PRKAR1B: variants seen among roughly 807,000 people sequenced by gnomAD.
The protein encoded by PRKAR1B is cAMP-dependent protein kinase type I-beta regulatory subunit.
In PRKAR1B, 22 loss-of-function variants were observed where a neutral mutation model predicts 46.5. The ratio of observed to expected loss-of-function variants is 0.47; its 90% CI spans 0.34 to 0.68. PRKAR1B has a LOEUF of 0.68. PRKAR1B is among the 30% of genes least tolerant of loss of function. The pLI, the probability that PRKAR1B is intolerant of heterozygous loss-of-function variation, is 0.01. For missense variants in PRKAR1B, 445 were observed against 535.6 expected (o/e 0.83, Z 1.67); for synonymous variants, 259 against 217.7 (o/e 1.19, Z -1.67).
In PRKAR1B at chr7:550,350, CG is replaced by C; in HGVS notation, c.*79del. 3 of 1,374,608 alleles carry C rather than the reference CG, an allele frequency of 2.2e-6. No individual in the cohort carries two copies. Among genetic ancestry groups the C allele is most frequent in the Non-Finnish European group, 3.0e-6 (3 of 994,758 alleles). 85.2% of individuals were successfully genotyped at this position (1,374,608 alleles called of 1,614,324 possible). On this transcript the variant is annotated 3_prime_UTR_variant, in exon 11 of 11. Transcript: ENST00000537384. ...CCCACCCGGCCCACACCTCACACAG[CG>C]GCTCCCGGGCCCCCGACACAGACGA...
intron 2 of PRKAR1B, among the ~76,000 whole-genome samples, chr7:702,204 A>T (rs529255425): frequency 5.9e-5 from 9 of 152,178 alleles, no homozygotes; most frequent in Non-Finnish European, 1.2e-4. Flanking sequence ...TATGTATATT[A>T]TAATGCCTAT....
chr7:550,169 C>T lies in PRKAR1B; in HGVS notation c.*261G>A, dbSNP rs1233532264. 6 of 465,202 alleles carry T rather than the reference C, an allele frequency of 1.3e-5. No homozygotes were observed. Among genetic ancestry groups the T allele is most frequent in the South Asian group, 2.2e-5 (1 of 44,906 alleles). 28.8% of individuals were successfully genotyped at this position (465,202 alleles called of 1,614,324 possible). On this transcript the variant is annotated 3_prime_UTR_variant, in exon 11 of 11. Transcript: ENST00000537384. Reference sequence around the variant, plus strand: ...CCCAGGAGAAGCCCACAGAGGCAGCCGGGGAGGCGTGTGGGGAGGAAGCTG... The same window carrying T: ...CCCAGGAGAAGCCCACAGAGGCAGCTGGGGAGGCGTGTGGGGAGGAAGCTG...
rs185669063 is a variant in PRKAR1B, at chr7:635,902, G to A, written c.441-28450C>T. ...CTGTGAAACAGAGCTACGGACAGCA[G>A]GTTCACGAAGCATTGTAAAAGTACC... On this transcript the variant is annotated intron_variant, in intron 4 of 10. Coordinates refer to ENST00000537384, the MANE Select transcript of PRKAR1B (RefSeq NM_001164760.2). Among the ~76,000 whole-genome samples, 655 of 151,550 alleles carry A rather than the reference G, an allele frequency of 4.3e-3. 7 individuals carry two copies. Among genetic ancestry groups the A allele is most frequent in the Middle Eastern group, 0.014 (4 of 290 alleles).
At chr7:670,299 G>C (rs1053434634) in intron 4 of PRKAR1B, among the ~76,000 whole-genome samples, 11 of 152,220 alleles carry the variant, frequency 7.2e-5, no homozygotes, top group African/African-American at 2.7e-4. Flanking sequence ...CCCAGGGAAT[G>C]ACTGCCCAGC....
chr7:580,662 A>C, intron 8 of PRKAR1B, among the ~76,000 whole-genome samples: 1 of 151,886 alleles, frequency 6.6e-6, no homozygotes, highest in South Asian at 2.1e-4. Flanking sequence ...ATTCATCCCT[A>C]ACCCTTGGAA....
chr7:704,225 T>C (rs1196569120), intron 2 of PRKAR1B, among the ~76,000 whole-genome samples: 1 of 151,746 alleles, frequency 6.6e-6, no homozygotes, highest in Non-Finnish European at 1.5e-5. Context: ...ACAGATAAAA[T>C]CTAAACAAAA....
At chr7:648,746 C>G (rs185619408) in intron 4 of PRKAR1B, among the ~76,000 whole-genome samples, 147 of 152,210 alleles carry the variant, frequency 9.7e-4, no homozygotes, top group African/African-American at 3.5e-3. Context: ...TGCACCATTG[C>G]ACTCCAGCCT....
chr7:627,972 G>T (rs368260968), intron 4 of PRKAR1B, among the ~76,000 whole-genome samples: 1 of 151,876 alleles, frequency 6.6e-6, no homozygotes, highest in South Asian at 2.1e-4. Flanking sequence ...AATGGGTGGG[G>T]CCCTTCTGAC....
At chr7:571,788 G>A (rs920431756) in intron 9 of PRKAR1B, among the ~76,000 whole-genome samples, 5 of 152,136 alleles carry the variant, frequency 3.3e-5, no homozygotes, top group South Asian at 2.1e-4. Flanking sequence ...GTGCCCGGGC[G>A]GGCACCGCCC....
intron 9 of PRKAR1B, among the ~76,000 whole-genome samples, chr7:566,544 C>T (rs1779167235): frequency 6.6e-6 from 1 of 152,246 alleles, no homozygotes; most frequent in African/African-American, 2.4e-5. Flanking sequence ...CCACCACCAT[C>T]ACCATCATTG....
chr7:619,749 G>A (rs1783013620), intron 4 of PRKAR1B, among the ~76,000 whole-genome samples: 1 of 152,254 alleles, frequency 6.6e-6, no homozygotes, highest in African/African-American at 2.4e-5. Context: ...CTCTTGGTAG[G>A]AGAAGTCCCT....
At chr7:720,860 T>G (rs1488286412) in intron 1 of PRKAR1B, among the ~76,000 whole-genome samples, 1 of 152,240 alleles carries the variant, frequency 6.6e-6, no homozygotes, top group East Asian at 1.9e-4. Flanking sequence ...CTTCAGCATA[T>G]AGTAGACATC....
intron 7 of PRKAR1B, among the ~76,000 whole-genome samples, chr7:594,708 C>T (rs538173803): frequency 4.6e-4 from 70 of 152,100 alleles, no homozygotes; most frequent in African/African-American, 1.6e-3. Context: ...GAGGGGACTC[C>T]CCAGACCACA....
chr7:723,512 C>T (rs1372396185), intron 1 of PRKAR1B, among the ~76,000 whole-genome samples: 4 of 152,176 alleles, frequency 2.6e-5, no homozygotes, highest in Non-Finnish European at 5.9e-5. Context: ...TTCCTCGTCG[C>T]CTGCTATGTG....
chr7:584,494 G>C lies in PRKAR1B; in HGVS notation c.769+14C>G. 1 of 1,613,080 alleles carries C rather than the reference G, an allele frequency of 6.2e-7. No homozygotes were observed. Among genetic ancestry groups the C allele is most frequent in the Non-Finnish European group, 8.5e-7 (1 of 1,179,362 alleles). ...TGTCGGGACACACAGCCGTGCAGGG[G>C]CGCAGCCACTGACCTAGGATGGAGA... is the stretch of plus-strand genomic sequence containing the variant. On this transcript the variant is annotated intron_variant, in intron 8 of 10. Transcript: ENST00000537384.
Position 667,445 on chromosome 7 carries a change from T to C in PRKAR1B, c.440+9784A>G, listed in dbSNP as rs1375109966. 6.6e-6 allele frequency among the ~76,000 whole-genome samples: 1 copy of C among 152,172 alleles called. No homozygotes were observed. Among genetic ancestry groups the C allele is most frequent in the Non-Finnish European group, 1.5e-5 (1 of 68,020 alleles). On this transcript the variant is annotated intron_variant, in intron 4 of 10. Coordinates refer to ENST00000537384, the MANE Select transcript of PRKAR1B (RefSeq NM_001164760.2). This position sits in a 1 kb window ranked among gnomAD's most constrained non-coding sequence, Gnocchi z 4.3. ...ATTCTGTGGTATCTGAGTGAGATTG[T>C]GTGTGCATGACTGTGTGCATAGGCG...
chr7:564,850 G>A (rs546170568), intron 9 of PRKAR1B, among the ~76,000 whole-genome samples: 2 of 152,186 alleles, frequency 1.3e-5, no homozygotes, highest in Admixed American at 6.5e-5. Context: ...TGTTGCAGGC[G>A]GATGCCCCCC....
intron 2 of PRKAR1B, among the ~76,000 whole-genome samples, chr7:682,094 G>C (rs1169375509): frequency 6.6e-6 from 1 of 152,150 alleles, no homozygotes; most frequent in Admixed American, 6.5e-5. Flanking sequence ...GAGAGGAGAA[G>C]TCAGGAATCA....
chr7:639,228 G>T (rs867151065), intron 4 of PRKAR1B, among the ~76,000 whole-genome samples: 1 of 152,150 alleles, frequency 6.6e-6, no homozygotes, highest in African/African-American at 2.4e-5. Context: ...TAATCAAGAC[G>T]GTGGTGGTAT....
Sources: gnomAD v4.1 joint callset for allele counts (sites outside exome capture counted in the v4.1 genomes callset) on GRCh38, gnomAD v4.1.1 for gene constraint, Gnocchi (gnomAD v3.1) non-coding constraint, MANE v1.5 for transcripts, NCBI Gene and HGNC (gene_info 2026-07-23, HGNC 2026-07-21) for gene names.